TATDN1: variants seen among roughly 807,000 people sequenced by gnomAD.
The protein encoded by TATDN1 is deoxyribonuclease TATDN1.
Under a neutral mutation model 46.4 loss-of-function variants are expected in TATDN1, and 40 were observed. The ratio of observed to expected loss-of-function variants is 0.86; its 90% CI spans 0.67 to 1.12. TATDN1 has a LOEUF of 1.12. Ranked by LOEUF, TATDN1 falls within the 50% of genes most tolerant of loss-of-function variation. The pLI, the probability that TATDN1 is intolerant of heterozygous loss-of-function variation, is 0.00. For missense variants in TATDN1, 326 were observed against 348.4 expected, an observed-to-expected ratio of 0.94 and a Z score of 0.51; for synonymous variants, 95 against 105.6, an observed-to-expected ratio of 0.90 and a Z score of 0.62.
intron 9 of TATDN1, among the ~76,000 whole-genome samples, chr8:124,499,197 T>A (rs1012710761): frequency 3.3e-5 from 5 of 152,120 alleles, no homozygotes; most frequent in African/African-American, 1.2e-4. Context: ...GGGTGAGATG[T>A]CATTAGTTTG....
intron 1 of TATDN1, among the ~76,000 whole-genome samples, chr8:124,524,597 T>C (rs1433082843): frequency 2.0e-5 from 3 of 152,198 alleles, no homozygotes; most frequent in Non-Finnish European, 4.4e-5. Context: ...TTCTAGACCA[T>C]TTCCCCTTTG....
intron 8 of TATDN1, among the ~76,000 whole-genome samples, chr8:124,506,207 T>A (rs1487190691): frequency 6.6e-6 from 1 of 151,170 alleles, no homozygotes; most frequent in African/African-American, 2.4e-5. Flanking sequence ...TGGTGGTGCG[T>A]GCCTGTAGCC....
chr8:124,531,868 A>G (rs1820989357), intron 1 of TATDN1, among the ~76,000 whole-genome samples: 1 of 152,158 alleles, frequency 6.6e-6, no homozygotes, highest in Non-Finnish European at 1.5e-5. Context: ...CTGGATTCTA[A>G]TGGGTTAGAT....
intron 9 of TATDN1, among the ~76,000 whole-genome samples, chr8:124,499,518 T>A (rs1219836857): frequency 3.3e-5 from 5 of 152,132 alleles, no homozygotes; most frequent in African/African-American, 1.2e-4. Flanking sequence ...ACTACACGAT[T>A]CTGAAGTCAA....
In TATDN1 at chr8:124,518,865, C is replaced by T. The variant is rs149193849; in HGVS notation, c.155G>A (p.Gly52Glu). ...TGCATCTTTACTGTCTTGTAGATTTCCACCTGTAATCATAAACTGAAATAG... is the reference window on the plus strand; with the variant it reads ...TGCATCTTTACTGTCTTGTAGATTTTCACCTGTAATCATAAACTGAAATAG... ...IGVKKFMITGGNLQDSKDALH... is the reference protein window; with the variant it reads ...IGVKKFMITGENLQDSKDALH... Residue 52 changes from glycine (G) to glutamate (E), a missense_variant, in exon 4 of 12, where the codon GGA becomes GAA. Transcript: ENST00000276692. The T allele has an allele frequency of 1.9e-3, 3,040 of 1,609,042 alleles. 11 individuals carry two copies. The highest frequency in any genetic ancestry group is 5.0e-3 in the Middle Eastern group (30 of 6,020).
chr8:124,502,538 C>G (rs1191332627), intron 9 of TATDN1, among the ~76,000 whole-genome samples: 2 of 152,052 alleles, frequency 1.3e-5, no homozygotes, highest in Non-Finnish European at 2.9e-5. Context: ...TTAAAAGAAA[C>G]TTAATTCCCA....
At chr8:124,514,171 A>C (rs1819262305) in intron 6 of TATDN1, among the ~76,000 whole-genome samples, 1 of 152,196 alleles carries the variant, frequency 6.6e-6, no homozygotes, top group Admixed American at 6.5e-5. Flanking sequence ...TTGGAGCTTG[A>C]GGTCTAGGGT....
At chr8:124,495,730 A>G (rs1817410228) in intron 9 of TATDN1, among the ~76,000 whole-genome samples, 188 bp from the exon 10 acceptor site, 2 of 152,188 alleles carry the variant, frequency 1.3e-5, no homozygotes, top group Admixed American at 1.3e-4. Flanking sequence ...TTTTAACCCA[A>G]TCTGCCTTCC....
intron 1 of TATDN1, 79 bp from the exon 2 acceptor site, chr8:124,523,081 A>C: frequency 7.6e-7 from 1 of 1,321,574 alleles, no homozygotes; most frequent in Non-Finnish European, 1.1e-6. Flanking sequence ...TTCTGTTACT[A>C]AACTTTTTGT....
chr8:124,492,131 C>T (rs1303559379), intron 11 of TATDN1, among the ~76,000 whole-genome samples: 2 of 152,100 alleles, frequency 1.3e-5, no homozygotes, highest in African/African-American at 4.8e-5. Flanking sequence ...TCCGCCATGA[C>T]GCCTGGCTAA....
In TATDN1 at chr8:124,522,007, C is replaced by A. The variant is rs180694132; in HGVS notation, c.138+144G>T. The stretch of plus-strand genomic sequence containing the variant: ...AACAGAGTATTTTGATATTTTGTTT[C>A]AATTAACTTTCTAATATCACAAGTA... On this transcript the variant is annotated intron_variant, in intron 3 of 11. Coordinates refer to ENST00000276692, the MANE Select transcript of TATDN1 (RefSeq NM_032026.4). 2.6e-3 allele frequency: 1,449 copies of A among 562,990 alleles called. 14 individuals carry two copies. The highest frequency in any genetic ancestry group is 1.5e-3 in the Non-Finnish European group (491 of 320,018). 34.9% of individuals were successfully genotyped at this position (562,990 alleles called of 1,614,324 possible). A position where few individuals can be genotyped will look rare whatever the true frequency, so the allele number is the denominator to read the frequency against.
At chr8:124,512,328 G>C (rs903142986) in intron 6 of TATDN1, among the ~76,000 whole-genome samples, 1 of 152,152 alleles carries the variant, frequency 6.6e-6, no homozygotes, top group Non-Finnish European at 1.5e-5. Flanking sequence ...GGGAGGCTGA[G>C]GCAGGAGAAT....
At chr8:124,523,023 T>C in intron 1 of TATDN1, 21 bp from the exon 2 acceptor site, 1 of 1,602,318 alleles carries the variant, frequency 6.2e-7, no homozygotes, top group Non-Finnish European at 8.5e-7. Flanking sequence ...CAAAAGTCAC[T>C]GATTAATTAT....
intron 9 of TATDN1, among the ~76,000 whole-genome samples, chr8:124,501,333 G>C (rs1037688426): frequency 2.6e-5 from 4 of 152,148 alleles, no homozygotes; most frequent in African/African-American, 9.7e-5. Context: ...ACTGACATTT[G>C]GGAATCCCTA....
intron 2 of TATDN1, 94 bp downstream of exon 2, chr8:124,522,843 C>G: frequency 9.1e-7 from 1 of 1,100,592 alleles, no homozygotes; most frequent in Non-Finnish European, 1.4e-6. Flanking sequence ...GTGTGAGCCA[C>G]AAGACTCAGC....
chr8:124,513,041 A>G (rs975786241), intron 6 of TATDN1, among the ~76,000 whole-genome samples: 1 of 151,934 alleles, frequency 6.6e-6, no homozygotes, highest in Admixed American at 6.6e-5. Flanking sequence ...CAGCCTCCCA[A>G]GTAGCTGGGA....
chr8:124,508,542 G>C lies in TATDN1; in HGVS notation c.476-28C>G, dbSNP rs1297269108. On this transcript the variant is annotated intron_variant, in intron 7 of 11. Coordinates refer to ENST00000276692, the MANE Select transcript of TATDN1 (RefSeq NM_032026.4). ...GTGAATTAAAAACAAAGAACTTTTA[G>C]CAAATAGCTTGATTTCTACAAAATT... is the stretch of plus-strand genomic sequence containing the variant. The C allele has an allele frequency of 2.5e-6, 4 of 1,610,986 alleles. No homozygotes were observed. In the African/African-American group the frequency reaches 5.3e-5, roughly 22 times the overall value.
intron 8 of TATDN1, among the ~76,000 whole-genome samples, chr8:124,506,056 T>C (rs1336142652): frequency 2.0e-5 from 3 of 151,924 alleles, no homozygotes; most frequent in Non-Finnish European, 4.4e-5. Flanking sequence ...AGAAATAGGC[T>C]GGGCACAGTG....
At chr8:124,528,058 A>G (rs1820651030) in intron 1 of TATDN1, among the ~76,000 whole-genome samples, 1 of 152,216 alleles carries the variant, frequency 6.6e-6, no homozygotes, top group South Asian at 2.1e-4. Context: ...ACAAACACTT[A>G]GCAGTTTGAA....
Sources: gnomAD v4.1 joint callset for allele counts (sites outside exome capture counted in the v4.1 genomes callset) on GRCh38, gnomAD v4.1.1 for gene constraint, MANE v1.5 for transcripts, NCBI Gene and HGNC (gene_info 2026-07-23, HGNC 2026-07-21) for gene names.